Variants in LRRC3C observed in about 807,000 individuals in gnomAD.
The protein encoded by LRRC3C is leucine rich repeat containing 3C, also known as leucine-rich repeat-containing protein 3C.
Under a neutral mutation model 14.8 loss-of-function variants are expected in LRRC3C, and 11 were observed. That is an observed-to-expected ratio of 0.74 (90% CI 0.47 to 1.23). The LOEUF (loss-of-function observed/expected upper bound fraction) is 1.23, where lower values mean the gene tolerates loss of function less well. Ranked by LOEUF, LRRC3C falls within the 50% of genes most tolerant of loss-of-function variation. LRRC3C has a pLI of 0.00. For synonymous variants in LRRC3C, 149 were observed against 161.5 expected (o/e 0.92, Z 0.59); for missense variants, 354 against 361.8 (o/e 0.98, Z 0.18).
intron 3 of LRRC3C, among the ~76,000 whole-genome samples, chr17:39,943,493 G>A (rs972493274): frequency 2.0e-5 from 3 of 152,178 alleles, no homozygotes; most frequent in East Asian, 1.9e-4. Flanking sequence ...TCGCTCATCC[G>A]TCCCCTTGTC....
Position 39,938,483 on chromosome 17 carries a change from C to G in LRRC3C, c.-82+2589C>G, listed in dbSNP as rs866896289. Among the ~76,000 whole-genome samples the G allele has an allele frequency of 1.3e-3, 194 of 150,658 alleles. 1 individual carries two copies. The highest frequency in any genetic ancestry group is 3.1e-4 in the Non-Finnish European group (21 of 67,848). On this transcript the variant is annotated intron_variant, in intron 2 of 3. Coordinates refer to ENST00000377924, the MANE Select transcript of LRRC3C (RefSeq NM_001195545.2). ...TTTTTGCAGGGGGCCAAGGCAGGAGCCTTAGGAGTTTGAGACCAGCCTAGG... is the reference window on the plus strand; with the variant it reads ...TTTTTGCAGGGGGCCAAGGCAGGAGGCTTAGGAGTTTGAGACCAGCCTAGG...
At position 39,944,294 on chromosome 17, in the gene LRRC3C, T is replaced by C. The variant is rs757530067; in HGVS notation, c.388T>C (p.Leu130=). The change falls in exon 4 of 4, where the codon TTG becomes CTG. Residue 130 remains leucine, a synonymous_variant. Coordinates refer to ENST00000377924, the MANE Select transcript of LRRC3C (RefSeq NM_001195545.2). ...GAAFQGLEGT[L]RHLDLSANQL... is the part of the protein sequence containing the mutation. ...GGCTTTCCAGGGCCTGGAGGGCACA[T>C]TGCGCCACCTCGACCTCTCTGCCAA... The C allele has an allele frequency of 2.3e-5, 36 of 1,535,248 alleles. No homozygotes were observed. The highest frequency in any genetic ancestry group is 2.0e-5 in the Admixed American group (1 of 50,806).
chr17:39,931,642 T>C (rs1978652563), intron 1 of LRRC3C, among the ~76,000 whole-genome samples: 1 of 137,820 alleles, frequency 7.3e-6, no homozygotes, highest in African/African-American at 2.9e-5. Flanking sequence ...TATTATTTTC[T>C]ATACTTTTTT....
At chr17:39,929,452 T>G (rs2144756896) in intron 1 of LRRC3C, 1 of 152,350 alleles carries the variant, frequency 6.6e-6, no homozygotes, top group Admixed American at 6.5e-5. Flanking sequence ...TCTGCTTTAT[T>G]TAGCGGGAGT....
intron 2 of LRRC3C, 53 bp from the exon 3 acceptor site, chr17:39,941,390 T>A: frequency 7.3e-6 from 4 of 548,064 alleles, no homozygotes; most frequent in East Asian, 3.3e-5. Context: ...TCTTAACAGG[T>A]TTTTGAAACA....
intron 1 of LRRC3C, among the ~76,000 whole-genome samples, chr17:39,932,434 TG>T (rs1236154753): frequency 6.6e-6 from 1 of 152,084 alleles, no homozygotes; most frequent in African/African-American, 2.4e-5. Flanking sequence ...CCGGGCACTG[TG>T]GCTCAAGCCT....
intron 1 of LRRC3C, among the ~76,000 whole-genome samples, chr17:39,930,396 T>TGA (rs1460871943): frequency 2.1e-5 from 1 of 48,590 alleles, no homozygotes. Flanking sequence ...AAACTGACTT[T>TGA]AAAAAAAAAA....
Position 39,927,779 on chromosome 17 carries a change from C to G in LRRC3C, c.-210C>G, listed in dbSNP as rs577625789. 2 of 985,372 alleles carry G rather than the reference C, an allele frequency of 2.0e-6. No homozygotes were observed. Among genetic ancestry groups the G allele is most frequent in the Non-Finnish European group, 2.4e-6 (2 of 829,970 alleles). 61.0% of individuals were successfully genotyped at this position (985,372 alleles called of 1,614,324 possible). On this transcript the variant is annotated 5_prime_UTR_variant, in exon 1 of 4. Coordinates refer to ENST00000377924, the MANE Select transcript of LRRC3C (RefSeq NM_001195545.2). ...GGGGACGCACGGTTGGAAGTTGTAC[C>G]GTGACGTGATGGTCAGATCGGATGA...
chr17:39,935,173 C>T (rs555952011), intron 1 of LRRC3C, among the ~76,000 whole-genome samples: 7 of 152,276 alleles, frequency 4.6e-5, no homozygotes, highest in South Asian at 2.1e-4. Flanking sequence ...CTGGTTCACA[C>T]GCCTCTGACA....
rs1449894577 is a variant in LRRC3C at position 39,944,528 on chromosome 17, G to A, written c.622G>A (p.Glu208Lys). The A allele has an allele frequency of 6.0e-6, 9 of 1,501,964 alleles. No individual in the cohort carries two copies. Among genetic ancestry groups the A allele is most frequent in the Non-Finnish European group, 8.0e-6 (9 of 1,127,262 alleles). The allele number at this position is 1,501,964 out of a possible 1,614,324, so 93.0% of individuals were successfully genotyped here. ...QEFLLLAGEE[E>K]LCGSGWGGAR... ...GTTCCTGCTGCTGGCAGGGGAGGAA[G>A]AGCTGTGTGGGTCGGGGTGGGGTGG... Residue 208 changes from glutamate to lysine, a missense_variant, in exon 4 of 4, where the codon GAG becomes AAG. Physicochemically the swap from Glu to Lys is moderately conservative, Grantham distance 56. Coordinates refer to ENST00000377924, the MANE Select transcript of LRRC3C (RefSeq NM_001195545.2).
rs1302992995 is a variant in LRRC3C at position 39,932,976 on chromosome 17, C to T, written c.-174-2826C>T. ...CTGAGGTGGGAGAATTGCTTGAACC[C>T]GGGAGGCGGAGGCTGCAGAGAGCAG... On this transcript the variant is annotated intron_variant, in intron 1 of 3. Transcript: ENST00000377924. 5.3e-5 allele frequency among the ~76,000 whole-genome samples: 8 copies of T among 151,690 alleles called. No homozygotes were observed. The East Asian group carries it at 5.8e-4, about 11-fold the overall frequency.
rs1382371002 is a variant in LRRC3C at position 39,944,748 on chromosome 17, T to G, written c.*14T>G. On this transcript the variant is annotated 3_prime_UTR_variant, in exon 4 of 4. Coordinates refer to ENST00000377924, the MANE Select transcript of LRRC3C (RefSeq NM_001195545.2). ...ACAGTGGTCTGATGACCCAGGATGCTCCTCCAGCCACACCCCACACTCCTG... is the reference window on the plus strand; with the variant it reads ...ACAGTGGTCTGATGACCCAGGATGCGCCTCCAGCCACACCCCACACTCCTG... 1 of 1,534,676 alleles carries G rather than the reference T, an allele frequency of 6.5e-7. No homozygotes were observed. Among genetic ancestry groups the G allele is most frequent in the African/African-American group, 1.4e-5 (1 of 72,914 alleles).
chr17:39,941,069 C>G (rs1267083309), intron 2 of LRRC3C, among the ~76,000 whole-genome samples: 3 of 151,090 alleles, frequency 2.0e-5, no homozygotes, highest in Non-Finnish European at 3.0e-5. Context: ...TAAGTTTTCA[C>G]CTGGGTGTGG....
chr17:39,937,991 G>T (rs1978843688), intron 2 of LRRC3C, among the ~76,000 whole-genome samples: 2 of 152,154 alleles, frequency 1.3e-5, no homozygotes, highest in South Asian at 4.1e-4. Flanking sequence ...AATTAGCTGG[G>T]CATAGTGGCG....
At chr17:39,931,643 A>G (rs112914265) in intron 1 of LRRC3C, among the ~76,000 whole-genome samples, 1 of 132,630 alleles carries the variant, frequency 7.5e-6, no homozygotes, top group African/African-American at 3.0e-5. Context: ...ATTATTTTCT[A>G]TACTTTTTTT....
rs1490103064 is a variant in LRRC3C, at chr17:39,944,389, A to G, written c.483A>G (p.Pro161=). The change falls in exon 4 of 4, where the codon CCA becomes CCG. Residue 161 remains proline (P), a synonymous_variant. Coordinates refer to ENST00000377924, the MANE Select transcript of LRRC3C (RefSeq NM_001195545.2). The part of the protein sequence containing the change: ...LQIQVNLSAN[P]WHCDCALQEV... ...TCCAAGTGAACCTATCCGCAAACCC[A>G]TGGCACTGTGACTGCGCCCTCCAGG... 3.3e-6 allele frequency: 5 copies of G among 1,520,480 alleles called. No homozygotes were observed. The East Asian group carries it at 7.4e-5, about 22-fold the overall frequency. 94.2% of individuals were successfully genotyped at this position (1,520,480 alleles called of 1,614,324 possible). A position where few individuals can be genotyped will look rare whatever the true frequency, so the allele number is the denominator to read the frequency against.
intron 2 of LRRC3C, chr17:39,939,276 G>A (rs1175986425): frequency 2.4e-6 from 2 of 833,846 alleles, no homozygotes; most frequent in Admixed American, 6.2e-5. Context: ...TAATCTGGTA[G>A]TAGGAGGGAA....
chr17:39,934,371 G>A (rs777683044), intron 1 of LRRC3C, among the ~76,000 whole-genome samples: 10 of 152,136 alleles, frequency 6.6e-5, no homozygotes, highest in Non-Finnish European at 1.5e-4. Flanking sequence ...AGACCCCCTA[G>A]CTCCCTACCA....
rs1428262462 is a variant in LRRC3C at position 39,943,965 on chromosome 17, T to C, written c.59T>C (p.Met20Thr). The change falls in exon 4 of 4, where the codon ATG becomes ACG. Residue 20 changes from methionine (M) to threonine (T), a missense_variant. Physicochemically the swap from Met to Thr is moderately conservative, Grantham distance 81 (BLOSUM62 -1). Coordinates refer to ENST00000377924, the MANE Select transcript of LRRC3C (RefSeq NM_001195545.2). ...SYCTPGLCQF[M>T]AMLPTAGHLL... ...TGCACTCCAGGACTATGCCAATTTA[T>C]GGCCATGCTCCCAACAGCAGGTCAC... is the stretch of plus-strand genomic sequence containing the variant. The C allele has an allele frequency of 3.3e-6, 5 of 1,536,016 alleles. No homozygotes were observed. The highest frequency in any genetic ancestry group is 1.2e-5 in the South Asian group (1 of 84,070).
Sources: allele counts gnomAD v4.1 joint callset (sites outside exome capture counted in the v4.1 genomes callset), GRCh38; gene constraint gnomAD v4.1.1; transcripts MANE v1.5; gene names NCBI Gene and HGNC (gene_info 2026-07-23, HGNC 2026-07-21).